Variants in ADGRL2 observed in about 807,000 individuals in gnomAD.
The protein encoded by ADGRL2 is calcium-independent alpha-latrotoxin receptor 2.
Under a neutral mutation model 157.4 loss-of-function variants are expected in ADGRL2, and 44 were observed. The observed-to-expected ratio is 0.28, with a 90% CI of 0.22 to 0.36. ADGRL2 has a LOEUF of 0.36. Ranked by LOEUF, ADGRL2 falls within the 10% of genes least tolerant of loss-of-function variation. The pLI, the probability that ADGRL2 is intolerant of heterozygous loss-of-function variation, is 1.00. For synonymous variants in ADGRL2, 585 were observed against 624.7 expected (o/e 0.94, Z 0.95); for missense variants, 1,510 against 1,768.9 (o/e 0.85, Z 2.63).
intron 1 of ADGRL2, among the ~76,000 whole-genome samples, chr1:81,718,274 T>C (rs546617866): frequency 9.8e-5 from 15 of 152,314 alleles, no homozygotes; most frequent in Non-Finnish European, 1.5e-4. Flanking sequence ...TGCCTCGGCC[T>C]CCCAAAGTAC....
chr1:81,661,185 C>T (rs2082642368), intron 3 of ADGRL2, among the ~76,000 whole-genome samples: 1 of 132,150 alleles, frequency 7.6e-6, no homozygotes, highest in Non-Finnish European at 1.6e-5. Flanking sequence ...TTTCCATAAG[C>T]ATTTTTTTTA....
At chr1:81,945,424 G>A (rs1352121397) in intron 6 of ADGRL2, among the ~76,000 whole-genome samples, 1 of 151,632 alleles carries the variant, frequency 6.6e-6, no homozygotes, top group Non-Finnish European at 1.5e-5. Flanking sequence ...AAAAAAGAAA[G>A]AAAAAAAATG....
intron 1 of ADGRL2, among the ~76,000 whole-genome samples, chr1:81,748,515 T>C (rs1330083697): frequency 3.4e-5 from 5 of 145,182 alleles, no homozygotes; most frequent in Non-Finnish European, 7.6e-5. Context: ...AAGAAAACAG[T>C]AGAAGAGTTT....
chr1:81,522,032 T>A (rs1273597124), intron 2 of ADGRL2, among the ~76,000 whole-genome samples: 1 of 151,230 alleles, frequency 6.6e-6, no homozygotes, highest in Non-Finnish European at 1.5e-5. Flanking sequence ...TGGTGCAATC[T>A]CGGCTCACTG....
intron 1 of ADGRL2, among the ~76,000 whole-genome samples, chr1:81,343,394 ATCTT>A (rs1662232665): frequency 6.6e-6 from 1 of 152,084 alleles, no homozygotes; most frequent in Admixed American, 6.6e-5. Flanking sequence ...CTGGCCAACA[ATCTT>A]TCTTTAACAA....
At chr1:81,990,361 G>A (rs1315639693) in intron 23 of ADGRL2, 30 bp from the exon 24 acceptor site, 2 of 1,598,000 alleles carry the variant, frequency 1.3e-6, no homozygotes, top group Non-Finnish European at 1.7e-6. Flanking sequence ...AACAGAGACA[G>A]TAATGATAAC....
chr1:81,800,703 T>C (rs1044053569), upstream of ADGRL2, among the ~76,000 whole-genome samples: 5 of 151,660 alleles, frequency 3.3e-5, no homozygotes, highest in Non-Finnish European at 5.9e-5. Context: ...TTAAAGTGCA[T>C]GTGTGTGGAC....
At chr1:81,984,996 T>C (rs559895820) in intron 20 of ADGRL2, among the ~76,000 whole-genome samples, 10 of 152,224 alleles carry the variant, frequency 6.6e-5, no homozygotes, top group African/African-American at 2.2e-4. Flanking sequence ...AATAAACATA[T>C]ATTGAATAAT....
chr1:81,833,090 C>T (rs1407320145), intron 1 of ADGRL2, among the ~76,000 whole-genome samples: 2 of 152,092 alleles, frequency 1.3e-5, no homozygotes, highest in Admixed American at 6.5e-5. Flanking sequence ...AAAAGCGGCT[C>T]TTGTTAGTAA....
intron 2 of ADGRL2, among the ~76,000 whole-genome samples, chr1:81,564,448 G>C (rs777410973): frequency 6.6e-6 from 1 of 152,132 alleles, no homozygotes; most frequent in Admixed American, 6.5e-5. Flanking sequence ...TCAGTTCCTC[G>C]TGGGTTGTTG....
chr1:81,325,948 A>T (rs1660868988), intron 1 of ADGRL2, among the ~76,000 whole-genome samples: 1 of 152,198 alleles, frequency 6.6e-6, no homozygotes, highest in Non-Finnish European at 1.5e-5. Flanking sequence ...CATTCATACC[A>T]CTTGCCAGCC....
intron 1 of ADGRL2, among the ~76,000 whole-genome samples, chr1:81,804,965 T>A (rs2088888843): frequency 6.6e-6 from 1 of 152,152 alleles, no homozygotes; most frequent in Admixed American, 6.6e-5. Flanking sequence ...CAAATGAACT[T>A]GACACAACTT....
intron 2 of ADGRL2, among the ~76,000 whole-genome samples, chr1:81,544,229 A>T (rs996511231): frequency 2.6e-5 from 4 of 152,124 alleles, no homozygotes; most frequent in African/African-American, 7.2e-5. Context: ...TACAGATTTT[A>T]TTTTATTCTG....
At position 81,392,203 on chromosome 1, in the gene ADGRL2, A is replaced by C. The variant is rs2076571859; in HGVS notation, c.-301-52833A>C. Among the ~76,000 whole-genome samples, 3 of 139,082 alleles carry C rather than the reference A, an allele frequency of 2.2e-5. No individual in the cohort carries two copies. In the South Asian group the frequency reaches 7.4e-4, roughly 34 times the overall value. The allele number at this position is 139,082 out of a possible 152,430, so 91.2% of individuals were successfully genotyped here. On this transcript the variant is annotated intron_variant, in intron 1 of 24. Coordinates refer to the ADGRL2 transcript ENST00000370721. ...AAAAAGCACCAAATATATGCCTCTC[A>C]CACTTCCTCCTACCCCATCCCCACA...
At chr1:81,760,481 TG>T (rs578104816) in intron 1 of ADGRL2, among the ~76,000 whole-genome samples, 1,714 of 152,230 alleles carry the variant, frequency 0.011, 14 homozygotes, top group Non-Finnish European at 0.019. Flanking sequence ...CTAAATACAT[TG>T]CTTTTGGTGT....
intron 1 of ADGRL2, among the ~76,000 whole-genome samples, chr1:81,375,951 T>C (rs1394548097): frequency 6.6e-6 from 1 of 152,190 alleles, no homozygotes; most frequent in Non-Finnish European, 1.5e-5. Flanking sequence ...TTCGGTCTTA[T>C]ACTTACTAAC....
intron 2 of ADGRL2, among the ~76,000 whole-genome samples, chr1:81,451,879 C>T (rs1208586799): frequency 6.6e-6 from 1 of 152,030 alleles, no homozygotes; most frequent in Non-Finnish European, 1.5e-5. Context: ...AAAGACACGG[C>T]ATTATAAAAT....
At chr1:81,710,250 A>G (rs986157482) in intron 1 of ADGRL2, among the ~76,000 whole-genome samples, 1 of 152,206 alleles carries the variant, frequency 6.6e-6, no homozygotes, top group Non-Finnish European at 1.5e-5. Context: ...AGAAAGATGA[A>G]CAGTGCTGCC....
intron 1 of ADGRL2, among the ~76,000 whole-genome samples, chr1:81,802,091 C>G (rs1224308799): frequency 2.0e-5 from 3 of 150,224 alleles, no homozygotes; most frequent in Admixed American, 6.6e-5. Flanking sequence ...CGCTGCCTCC[C>G]GCGCGGACTC....
Sources: gnomAD v4.1 joint callset for allele counts (sites outside exome capture counted in the v4.1 genomes callset) on GRCh38, gnomAD v4.1.1 for gene constraint, MANE v1.5 for transcripts, NCBI Gene and HGNC (gene_info 2026-07-23, HGNC 2026-07-21) for gene names.